The following TRIM71 variants were observed in gnomAD, a reference collection of about 807,000 sequenced individuals.
The protein encoded by TRIM71 is E3 ubiquitin-protein ligase TRIM71.
In TRIM71, 9 loss-of-function variants were observed where a neutral mutation model predicts 61.2. That is an observed-to-expected ratio of 0.15 (90% CI 0.09 to 0.26). The LOEUF (loss-of-function observed/expected upper bound fraction) is 0.26. TRIM71 is among the 10% of genes least tolerant of loss of function. TRIM71 has a pLI of 1.00. For missense variants in TRIM71, 998 were observed against 1,238.7 expected (o/e 0.81, Z 2.92); for synonymous variants, 645 against 553.2 (o/e 1.17, Z -2.33).
intron 1 of TRIM71, among the ~76,000 whole-genome samples, chr3:32,821,800 G>A (rs1696137546): frequency 6.6e-6 from 1 of 151,202 alleles, no homozygotes; most frequent in South Asian, 2.1e-4. Flanking sequence ...GGCGGGCGCA[G>A]GTAGAGTCGC....
chr3:32,880,272 A>G (rs1484190142), intron 2 of TRIM71, among the ~76,000 whole-genome samples: 6 of 151,984 alleles, frequency 3.9e-5, no homozygotes, highest in African/African-American at 1.4e-4. Context: ...CAAGTGATCT[A>G]TCCGCTTCCA....
chr3:32,840,336 ATTCTGTGCTT>A (rs1365510965), intron 1 of TRIM71, among the ~76,000 whole-genome samples: 1 of 151,684 alleles, frequency 6.6e-6, no homozygotes. Context: ...CAAACCCCGC[ATTCTGTGCTT>A]TGAAGGACAG....
chr3:32,861,540 A>C (rs1696668410), intron 1 of TRIM71, among the ~76,000 whole-genome samples: 1 of 152,222 alleles, frequency 6.6e-6, no homozygotes, highest in East Asian at 2.0e-4. Flanking sequence ...CAGCCTGGGC[A>C]ACAAAGTGAG....
chr3:32,837,782 G>A (rs1020286740), intron 1 of TRIM71, among the ~76,000 whole-genome samples: 1 of 151,856 alleles, frequency 6.6e-6, no homozygotes, highest in Non-Finnish European at 1.5e-5. Flanking sequence ...CTCCAGCCTG[G>A]GTGACAGAGC....
At chr3:32,830,994 CAG>C (rs148799642) in intron 1 of TRIM71, among the ~76,000 whole-genome samples, 1,673 of 152,086 alleles carry the variant, frequency 0.011, 36 homozygotes, top group East Asian at 0.1. Flanking sequence ...TATTTTTTAG[CAG>C]AGACTAGGTT....
intron 1 of TRIM71, among the ~76,000 whole-genome samples, chr3:32,860,754 C>T: frequency 6.6e-6 from 1 of 152,178 alleles, no homozygotes; most frequent in Non-Finnish European, 1.5e-5. Context: ...AAGCAGGCTG[C>T]CTGGCCTGGC....
intron 3 of TRIM71, among the ~76,000 whole-genome samples, chr3:32,888,698 G>A (rs938188252): frequency 2.6e-5 from 4 of 151,952 alleles, no homozygotes; most frequent in Middle Eastern, 3.2e-3. Flanking sequence ...CTGCCACCAC[G>A]CTCGGCTAGT....
In TRIM71 at chr3:32,892,091, T is replaced by G. The variant is rs1332776094; in HGVS notation, c.*280T>G. 2.8e-6 allele frequency: 1 copy of G among 354,346 alleles called. No individual in the cohort carries two copies. Among genetic ancestry groups the G allele is most frequent in the African/African-American group, 2.2e-5 (1 of 45,138 alleles). The allele number at this position is 354,346 out of a possible 1,614,324, so 22.0% of individuals were successfully genotyped here. Reference sequence around the variant, plus strand: ...CCTCATAAATCTTTACATTTCCTTCTGCAACAGGCCCTCTTCCCCTCCTCA... The same window carrying G: ...CCTCATAAATCTTTACATTTCCTTCGGCAACAGGCCCTCTTCCCCTCCTCA... On this transcript the variant is annotated 3_prime_UTR_variant, in exon 4 of 4. Transcript: ENST00000383763.
chr3:32,883,066 G>C (rs922119140), intron 2 of TRIM71, among the ~76,000 whole-genome samples: 2 of 152,172 alleles, frequency 1.3e-5, no homozygotes, highest in South Asian at 4.1e-4. Flanking sequence ...TCCCATACCT[G>C]TTTAACCATT....
chr3:32,818,154 T>C lies in TRIM71; in HGVS notation c.74T>C (p.Leu25Pro). 6.2e-7 allele frequency: 1 copy of C among 1,609,770 alleles called. No individual in the cohort carries two copies. The highest frequency in any genetic ancestry group is 8.5e-7 in the Non-Finnish European group (1 of 1,178,386). The change falls in exon 1 of 4, where the codon CTC becomes CCC. Residue 25 changes from leucine to proline, a missense_variant. This residue lies in a region of TRIM71 where 527 missense variants were observed against 427.8 expected (regional missense o/e 1.23). Coordinates refer to ENST00000383763, the MANE Select transcript of TRIM71 (RefSeq NM_001039111.3). ...CKEMCGSPAPLSSNSSASSSS... is the reference protein window; with the variant it reads ...CKEMCGSPAPPSSNSSASSSS... ...GAGATGTGCGGCTCGCCGGCGCCGC[T>C]CTCCTCCAACTCGTCCGCGTCGTCG...
intron 2 of TRIM71, among the ~76,000 whole-genome samples, chr3:32,876,373 C>G (rs1248746264): frequency 6.6e-6 from 1 of 152,100 alleles, no homozygotes; most frequent in Non-Finnish European, 1.5e-5. Flanking sequence ...CACCTGAGGT[C>G]AGGAGTTCGA....
chr3:32,827,413 C>T (rs1696215816), intron 1 of TRIM71, among the ~76,000 whole-genome samples: 1 of 151,808 alleles, frequency 6.6e-6, no homozygotes, highest in African/African-American at 2.4e-5. Flanking sequence ...CAGGCATGCA[C>T]CACCATGCCT....
intron 3 of TRIM71, 75 bp downstream of exon 3, chr3:32,886,143 C>T (rs1696959486): frequency 2.0e-6 from 3 of 1,464,390 alleles, no homozygotes; most frequent in Admixed American, 2.6e-5. Flanking sequence ...CTACGGGACT[C>T]TTTACAGATC....
chr3:32,873,940 C>T lies in TRIM71; in HGVS notation c.975C>T (p.Thr325=). 1 of 1,613,640 alleles carries T rather than the reference C, an allele frequency of 6.2e-7. No individual in the cohort carries two copies. Among genetic ancestry groups the T allele is most frequent in the Non-Finnish European group, 8.5e-7 (1 of 1,179,816 alleles). Residue 325 remains threonine (T), a synonymous_variant, in exon 2 of 4, where the codon ACC becomes ACT. Coordinates refer to ENST00000383763, the MANE Select transcript of TRIM71 (RefSeq NM_001039111.3). ...QEALQDSRAL[T]IQLLADAQQG... ...CACTGCAGGACTCACGGGCACTCAC[C>T]ATCCAGCTGCTGGCAGATGCCCAGC...
chr3:32,846,768 T>C (rs1696480656), intron 1 of TRIM71, among the ~76,000 whole-genome samples: 2 of 152,120 alleles, frequency 1.3e-5, no homozygotes, highest in South Asian at 4.2e-4. Flanking sequence ...ATTCCATATA[T>C]AAGTGACATC....
At chr3:32,838,824 G>A (rs1226286353) in intron 1 of TRIM71, among the ~76,000 whole-genome samples, 1 of 151,454 alleles carries the variant, frequency 6.6e-6, no homozygotes, top group Non-Finnish European at 1.5e-5. Context: ...TTGTTGAGAC[G>A]AGGTCTCGCT....
At chr3:32,861,741 G>T (rs1160716313) in intron 1 of TRIM71, among the ~76,000 whole-genome samples, 1 of 152,124 alleles carries the variant, frequency 6.6e-6, no homozygotes, top group Non-Finnish European at 1.5e-5. Context: ...GGGAGAGTGT[G>T]TCTGGCTTCT....
At position 32,849,225 on chromosome 3, in the gene TRIM71, T is replaced by C. The variant is rs76312503; in HGVS notation, c.853-24593T>C. Among the ~76,000 whole-genome samples, 1,143 of 152,334 alleles carry C rather than the reference T, an allele frequency of 7.5e-3. 25 individuals are homozygous for C. The highest frequency in any genetic ancestry group is 0.026 in the African/African-American group (1,098 of 41,580). The stretch of plus-strand genomic sequence containing the variant: ...GAGCTACTACTTGGTAGTTAAACAT[T>C]GTTTCATGGTGAAGGTAGAGCGAGT... On this transcript the variant is annotated intron_variant, in intron 1 of 3. Coordinates refer to ENST00000383763, the MANE Select transcript of TRIM71 (RefSeq NM_001039111.3).
intron 1 of TRIM71, among the ~76,000 whole-genome samples, chr3:32,850,275 G>T (rs9848887): frequency 0.24 from 35,982 of 150,498 alleles, 4,706 homozygotes; most frequent in African/African-American, 0.35. Context: ...ATTTTTTTTT[G>T]TGTGCAATTC....
Sources: gnomAD v4.1 joint callset for allele counts (sites outside exome capture counted in the v4.1 genomes callset) on GRCh38, gnomAD v4.1.1 for gene constraint, gnomAD v4.1.1 regional missense constraint, MANE v1.5 for transcripts, NCBI Gene and HGNC (gene_info 2026-07-23, HGNC 2026-07-21) for gene names.